The following ZBTB7A variants were observed in gnomAD, a reference collection of about 807,000 sequenced individuals.
The protein encoded by ZBTB7A is zinc finger and BTB domain containing 7A.
Under a neutral mutation model 26.7 loss-of-function variants are expected in ZBTB7A, and 7 were observed. The ratio of observed to expected loss-of-function variants is 0.26; its 90% CI spans 0.15 to 0.49. ZBTB7A has a LOEUF of 0.49. Among genes scored for constraint, ZBTB7A ranks in the 20% least tolerant of loss-of-function variants. The probability of loss-of-function intolerance (pLI) is 0.98; values close to 1 mark genes in which losing one functional copy is unlikely to be tolerated. For synonymous variants in ZBTB7A, 452 were observed against 441.0 expected (o/e 1.02, Z -0.31); for missense variants, 617 against 919.5 (o/e 0.67, Z 4.25).
intron 1 of ZBTB7A, among the ~76,000 whole-genome samples, chr19:4,061,184 G>C (rs1002262506): frequency 5.9e-5 from 9 of 152,220 alleles, no homozygotes; most frequent in Non-Finnish European, 1.5e-5. Context: ...TCACGGATGG[G>C]AACTTTGCTC....
chr19:4,060,224 CA>C (rs1568237234), intron 1 of ZBTB7A, among the ~76,000 whole-genome samples: 3 of 152,062 alleles, frequency 2.0e-5, no homozygotes, highest in African/African-American at 7.3e-5. Flanking sequence ...CCAACCCTCC[CA>C]GGGTGGCGCA....
rs866300187 is a variant in ZBTB7A, at chr19:4,043,706, A to T, written c.*4046T>A. Among the ~76,000 whole-genome samples, 3 of 61,032 alleles carry T rather than the reference A, an allele frequency of 4.9e-5. No homozygotes were observed. Among genetic ancestry groups the T allele is most frequent in the African/African-American group, 8.7e-5 (1 of 11,478 alleles). 40.0% of individuals were successfully genotyped at this position (61,032 alleles called of 152,430 possible). ...GATGGGGGTCTCCCTGGCCCCCTCC[A>T]CCCCCTGGGCCCGGCCCCCCCCCCC... On this transcript the variant is annotated 3_prime_UTR_variant, in exon 3 of 3. Transcript: ENST00000322357.
Position 4,048,379 on chromosome 19 carries a change from T to C in ZBTB7A, c.1263-135A>G, listed in dbSNP as rs2040451704. ...ACGGACCGTGCACCAGAGGTTTCGG[T>C]GCCCCGATGGGGACGGTCCCTCGAA... On this transcript the variant is annotated intron_variant, in intron 2 of 2. Transcript: ENST00000322357. This position sits in a 1 kb window ranked among gnomAD's most constrained non-coding sequence, Gnocchi z 6.7. 7.9e-7 allele frequency: 1 copy of C among 1,261,546 alleles called. No individual in the cohort carries two copies. The allele number at this position is 1,261,546 out of a possible 1,614,324, so 78.1% of individuals were successfully genotyped here.
At chr19:4,051,140 A>G (rs1044869428) in intron 2 of ZBTB7A, among the ~76,000 whole-genome samples, 1 of 140,456 alleles carries the variant, frequency 7.1e-6, no homozygotes, top group Non-Finnish European at 1.5e-5. Flanking sequence ...TGTCTTGCCT[A>G]TTCCCATTGA....
intron 2 of ZBTB7A, among the ~76,000 whole-genome samples, chr19:4,051,339 G>T (rs2040502721): frequency 6.6e-6 from 1 of 151,878 alleles, no homozygotes. Context: ...CTTTAGTGTG[G>T]GGACTGGCAA....
In ZBTB7A at chr19:4,048,281, G is replaced by A; in HGVS notation, c.1263-37C>T. 6.5e-7 allele frequency: 1 copy of A among 1,529,578 alleles called. No individual in the cohort carries two copies. Among genetic ancestry groups the A allele is most frequent in the Non-Finnish European group, 8.7e-7 (1 of 1,148,002 alleles). The allele number at this position is 1,529,578 out of a possible 1,614,324, so 94.8% of individuals were successfully genotyped here. On this transcript the variant is annotated intron_variant, in intron 2 of 2. Coordinates refer to ENST00000322357, the MANE Select transcript of ZBTB7A (RefSeq NM_015898.4). The surrounding 1 kb of genome is among the most constrained non-coding windows in gnomAD (Gnocchi z 6.7). ...GCACGGGGCGGGCACGGTCAGTGGG[G>A]CCGGGGACCCCCGATCCCCGCCCAG...
At chr19:4,065,534 C>G (rs1251228111) in intron 1 of ZBTB7A, 1 of 145,854 alleles carries the variant, frequency 6.9e-6, no homozygotes, top group African/African-American at 2.5e-5. Flanking sequence ...GGCAGTGAGC[C>G]TGGCCCCGCG....
intron 1 of ZBTB7A, among the ~76,000 whole-genome samples, chr19:4,066,322 C>T (rs895189000): frequency 1.3e-5 from 2 of 150,406 alleles, no homozygotes; most frequent in African/African-American, 4.9e-5. Context: ...GGCGACGCGC[C>T]CCCCTATCTC....
intron 1 of ZBTB7A, among the ~76,000 whole-genome samples, chr19:4,065,996 GC>G (rs1034962390): frequency 2.4e-4 from 30 of 127,248 alleles, no homozygotes; most frequent in Non-Finnish European, 3.9e-4. Flanking sequence ...CCCCTCCTCC[GC>G]ACCGCCCCTA....
Position 4,043,468 on chromosome 19 carries a change from T to TA in ZBTB7A, c.*4283dup, listed in dbSNP as rs397960148. 2.0e-5 allele frequency among the ~76,000 whole-genome samples: 3 copies of TA among 151,280 alleles called. No individual in the cohort carries two copies. The highest frequency in any genetic ancestry group is 1.9e-4 in the East Asian group (1 of 5,160). Reference sequence around the variant, plus strand: ...CATTTTTATCAGTTTTTTTTTTTTTTAAATCTCCCACACTTTATAAAGACT... The same window carrying TA: ...CATTTTTATCAGTTTTTTTTTTTTTTAAAATCTCCCACACTTTATAAAGACT... On this transcript the variant is annotated 3_prime_UTR_variant, in exon 3 of 3. Coordinates refer to ENST00000322357, the MANE Select transcript of ZBTB7A (RefSeq NM_015898.4).
rs2040390745 is a variant in ZBTB7A, at chr19:4,044,661, C to T, written c.*3091G>A. On this transcript the variant is annotated 3_prime_UTR_variant, in exon 3 of 3. Transcript: ENST00000322357. ...CATGAGAATGGAAATAACAATTTCG[C>T]ATTGTTTTTCTTTTTTTTTTTTCTC... The T allele has an allele frequency of 7.8e-6, 1 of 129,018 alleles. No individual in the cohort carries two copies. The highest frequency in any genetic ancestry group is 8.5e-5 in the Admixed American group (1 of 11,732). 8.0% of individuals were successfully genotyped at this position (129,018 alleles called of 1,614,324 possible).
Position 4,054,501 on chromosome 19 carries a change from C to A in ZBTB7A, c.732G>T (p.Trp244Cys). The A allele has an allele frequency of 7.1e-7, 1 of 1,417,952 alleles. No individual in the cohort carries two copies. The highest frequency in any genetic ancestry group is 9.1e-7 in the Non-Finnish European group (1 of 1,096,680). 87.8% of individuals were successfully genotyped at this position (1,417,952 alleles called of 1,614,324 possible). Residue 244 changes from tryptophan to cysteine, a missense_variant, in exon 2 of 3, where the codon TGG (tryptophan) becomes TGT (cysteine). By Grantham distance (215) the Trp-to-Cys change is radical (BLOSUM62 -2). Around this residue, in one of 5 missense-constraint regions of ZBTB7A, gnomAD observed 331 missense variants for 391.3 expected, o/e 0.85. Transcript: ENST00000322357. ...TGGGGGCGTCCTCATCCCGCTCTGG[C>A]CACAGACCCGGGTTGCTGTCGCCCT... ...GDEGDSNPGL[W>C]PERDEDAPTG...
At chr19:4,055,291 G>A in intron 1 of ZBTB7A, 44 bp from the exon 2 acceptor site, 4 of 1,434,732 alleles carry the variant, frequency 2.8e-6, no homozygotes, top group African/African-American at 1.4e-5. Flanking sequence ...GTGGGGGTGC[G>A]GGGGTTCCTG....
rs1555691306 is a variant in ZBTB7A at position 4,043,554 on chromosome 19, GC to G, written c.*4197del. Among the ~76,000 whole-genome samples, 2 of 148,462 alleles carry G rather than the reference GC, an allele frequency of 1.3e-5. No individual in the cohort carries two copies. The highest frequency in any genetic ancestry group is 2.2e-4 in the South Asian group (1 of 4,638). On this transcript the variant is annotated 3_prime_UTR_variant, in exon 3 of 3. Coordinates refer to ENST00000322357, the MANE Select transcript of ZBTB7A (RefSeq NM_015898.4). ...CTCTGTACCCTGAGGGCGCCGCCCC[GC>G]CCCCCATTCACCAGGCCTGGCCCCT...
chr19:4,061,192 C>T (rs10414261), intron 1 of ZBTB7A, among the ~76,000 whole-genome samples: 35,184 of 152,182 alleles, frequency 0.23, 4,764 homozygotes, highest in African/African-American at 0.38. Context: ...GGGAACTTTG[C>T]TCCTGAATGC....
Position 4,053,512 on chromosome 19 carries a change from T to C in ZBTB7A, c.1262+459A>G, listed in dbSNP as rs202232178. 4.8e-3 allele frequency among the ~76,000 whole-genome samples: 643 copies of C among 134,260 alleles called. 8 individuals carry two copies. Among genetic ancestry groups the C allele is most frequent in the African/African-American group, 0.024 (590 of 24,988 alleles). The allele number at this position is 134,260 out of a possible 152,430, so 88.1% of individuals were successfully genotyped here. On this transcript the variant is annotated intron_variant, in intron 2 of 2. Transcript: ENST00000322357. ...CTGTGTGCGTGCCTGGGTGTGCGTG[T>C]GTGCGTGCGTGCGTGCGTGCATGTG... is the stretch of plus-strand genomic sequence containing the variant.
intron 1 of ZBTB7A, among the ~76,000 whole-genome samples, chr19:4,057,515 C>T (rs376688178): frequency 7.0e-4 from 106 of 152,228 alleles, no homozygotes; most frequent in Non-Finnish European, 1.2e-3. Flanking sequence ...TATGGCCAGA[C>T]GCGGTGGCTC....
rs751149800 is a variant in ZBTB7A, at chr19:4,047,929, G to C, written c.1578C>G (p.Ser526=). The change falls in exon 3 of 3, where the codon TCC becomes TCG. Residue 526 remains serine (S), a synonymous_variant. Coordinates refer to ENST00000322357, the MANE Select transcript of ZBTB7A (RefSeq NM_015898.4). ...ATPGAPAQPS[S]PDARRNGQEK... is the part of the protein sequence containing the mutation. The stretch of plus-strand genomic sequence containing the variant: ...CCTGGCCGTTGCGCCGGGCGTCGGG[G>C]GAGCTGGGCTGGGCGGGGGCGCCGG... 20 of 1,490,026 alleles carry C rather than the reference G, an allele frequency of 1.3e-5. No individual in the cohort carries two copies. Among genetic ancestry groups the C allele is most frequent in the African/African-American group, 2.9e-5 (2 of 68,754 alleles). The allele number at this position is 1,490,026 out of a possible 1,614,324, so 92.3% of individuals were successfully genotyped here.
At chr19:4,062,992 A>G (rs549263063) in intron 1 of ZBTB7A, among the ~76,000 whole-genome samples, 76 of 152,138 alleles carry the variant, frequency 5.0e-4, no homozygotes, top group African/African-American at 1.8e-3. Flanking sequence ...GGACTGGACC[A>G]TGCTCACCCC....
Sources: gnomAD v4.1 joint callset for allele counts (sites outside exome capture counted in the v4.1 genomes callset) on GRCh38, gnomAD v4.1.1 for gene constraint, gnomAD v4.1.1 regional missense constraint, Gnocchi (gnomAD v3.1) non-coding constraint, MANE v1.5 for transcripts, NCBI Gene and HGNC (gene_info 2026-07-23, HGNC 2026-07-21) for gene names.